SCIN: variants seen among roughly 807,000 people sequenced by gnomAD.
SCIN encodes the protein adseverin.
Under a neutral mutation model 91.8 loss-of-function variants are expected in SCIN, and 91 were observed. The observed-to-expected ratio is 0.99, with a 90% CI of 0.84 to 1.18. The LOEUF (loss-of-function observed/expected upper bound fraction) is 1.18. Ranked by LOEUF, SCIN falls within the 50% of genes most tolerant of loss-of-function variation. The pLI, the probability that SCIN is intolerant of heterozygous loss-of-function variation, is 0.00. For missense variants in SCIN, 1,087 were observed against 863.9 expected (o/e 1.26, Z -3.24); for synonymous variants, 367 against 312.6 (o/e 1.17, Z -1.84).
intron 1 of SCIN, among the ~76,000 whole-genome samples, chr7:12,572,680 T>A (rs570336831): frequency 6.6e-6 from 1 of 152,342 alleles, no homozygotes; most frequent in African/African-American, 2.4e-5. Context: ...CTTATTCACT[T>A]AATTATCTAC....
At chr7:12,647,318 G>T (rs1378569127) in intron 13 of SCIN, among the ~76,000 whole-genome samples, 1 of 152,140 alleles carries the variant, frequency 6.6e-6, no homozygotes, top group East Asian at 1.9e-4. Flanking sequence ...TTAAGGCAAA[G>T]GATTGTTGCT....
At chr7:12,636,874 C>T (rs1750956779) in intron 10 of SCIN, among the ~76,000 whole-genome samples, 1 of 151,290 alleles carries the variant, frequency 6.6e-6, no homozygotes, top group African/African-American at 2.4e-5. Context: ...TTGTATGTAC[C>T]CCATGAATAT....
chr7:12,634,795 A>G (rs1275539026), intron 9 of SCIN, among the ~76,000 whole-genome samples: 5 of 152,220 alleles, frequency 3.3e-5, no homozygotes, highest in African/African-American at 9.6e-5. Context: ...AACAGCCACA[A>G]GCCACCCTAG....
At chr7:12,645,740 C>T (rs1783953338) in intron 13 of SCIN, among the ~76,000 whole-genome samples, 1 of 152,032 alleles carries the variant, frequency 6.6e-6, no homozygotes, top group African/African-American at 2.4e-5. Context: ...TGAGAACCTG[C>T]AGTATTTGGT....
chr7:12,636,072 G>A lies in SCIN; in HGVS notation c.1347G>A (p.Glu449=). The change falls in exon 10 of 16, where the codon GAG becomes GAA. Residue 449 remains glutamate (E), a synonymous_variant. Transcript: ENST00000297029. ...TWQGANATRD[E]LTTSAFLTVQ... ...AAGGAGCAAATGCCACACGAGATGAGCTGACAACATCTGCGTTCCTGACTG... is the reference window on the plus strand; with the variant it reads ...AAGGAGCAAATGCCACACGAGATGAACTGACAACATCTGCGTTCCTGACTG... The A allele has an allele frequency of 6.2e-7, 1 of 1,613,118 alleles. No homozygotes were observed. The highest frequency in any genetic ancestry group is 8.5e-7 in the Non-Finnish European group (1 of 1,179,626).
intron 10 of SCIN, among the ~76,000 whole-genome samples, chr7:12,638,219 CG>C (rs1176563960): frequency 1.3e-5 from 2 of 152,178 alleles, no homozygotes; most frequent in African/African-American, 4.8e-5. Flanking sequence ...TCTGCTTTCT[CG>C]TTCATTCTGT....
chr7:12,644,516 T>C (rs1783919610), intron 12 of SCIN, 68 bp from the exon 13 acceptor site: 1 of 1,576,992 alleles, frequency 6.3e-7, no homozygotes, highest in Non-Finnish European at 8.6e-7. Context: ...ATAATATTTG[T>C]TCATATAAAG....
rs1445458051 is a variant in SCIN, at chr7:12,651,433, C to A, written c.1960-408C>A. Among the ~76,000 whole-genome samples, 1 of 152,020 alleles carries A rather than the reference C, an allele frequency of 6.6e-6. No individual in the cohort carries two copies. Among genetic ancestry groups the A allele is most frequent in the African/African-American group, 2.4e-5 (1 of 41,390 alleles). ...TATTTCTGTTTGCAAGTCCTCTGAA[C>A]AGCCATCTCGAAATATGTCAAAGAA... On this transcript the variant is annotated intron_variant, in intron 14 of 15. Coordinates refer to ENST00000297029, the MANE Select transcript of SCIN (RefSeq NM_001112706.3). This position sits in a 1 kb window ranked among gnomAD's most constrained non-coding sequence, Gnocchi z 5.9.
At chr7:12,592,933 G>T (rs1331934746) in intron 3 of SCIN, among the ~76,000 whole-genome samples, 1 of 152,190 alleles carries the variant, frequency 6.6e-6, no homozygotes, top group African/African-American at 2.4e-5. Flanking sequence ...GGGGCCGGGA[G>T]CCGGGGCCCA....
chr7:12,634,971 G>C (rs1187255348), intron 9 of SCIN, among the ~76,000 whole-genome samples: 4 of 151,892 alleles, frequency 2.6e-5, no homozygotes, highest in Non-Finnish European at 5.9e-5. Flanking sequence ...TGGATCACCT[G>C]AGGTCAGGAG....
intron 4 of SCIN, among the ~76,000 whole-genome samples, chr7:12,618,294 G>A (rs1783338818): frequency 6.6e-6 from 1 of 152,198 alleles, no homozygotes; most frequent in Non-Finnish European, 1.5e-5. Context: ...CAGCAAAGAT[G>A]TGGAATATTT....
intron 1 of SCIN, among the ~76,000 whole-genome samples, chr7:12,574,799 C>A (rs1250782839): frequency 6.6e-6 from 1 of 151,992 alleles, no homozygotes; most frequent in African/African-American, 2.4e-5. Flanking sequence ...GCTTGTTTGT[C>A]AAGATTATTT....
At chr7:12,605,373 G>A (rs1783058767) in intron 4 of SCIN, among the ~76,000 whole-genome samples, 2 of 152,112 alleles carry the variant, frequency 1.3e-5, no homozygotes, top group Admixed American at 1.3e-4. Context: ...TTCAAACACG[G>A]TGGTTTTCTT....
chr7:12,581,097 C>G lies in SCIN; in HGVS notation c.392C>G (p.Thr131Arg), dbSNP rs370935948. 1.4e-5 allele frequency: 21 copies of G among 1,551,178 alleles called. No individual in the cohort carries two copies. Among genetic ancestry groups the G allele is most frequent in the Non-Finnish European group, 1.7e-5 (20 of 1,146,736 alleles). ...GCATCTGGATTAAATCATGTTCTTA[C>G]GAACGACCTGACAGCCAAGAGGCTC... ...GVASGLNHVL[T>R]NDLTAKRLLH... is the part of the protein sequence containing the mutation. The change falls in exon 3 of 16, where the codon ACG becomes AGG. Residue 131 changes from threonine to arginine, a missense_variant. Physicochemically the swap from Thr to Arg is moderately conservative, Grantham distance 71. Transcript: ENST00000297029.
chr7:12,637,133 A>G (rs1176211153), intron 10 of SCIN, among the ~76,000 whole-genome samples: 1 of 152,214 alleles, frequency 6.6e-6, no homozygotes, highest in Non-Finnish European at 1.5e-5. Flanking sequence ...TATGACCTCC[A>G]AAACTGTAAG....
chr7:12,646,686 T>A (rs1341720640), intron 13 of SCIN, among the ~76,000 whole-genome samples: 2 of 152,182 alleles, frequency 1.3e-5, no homozygotes, highest in African/African-American at 4.8e-5. Flanking sequence ...AAGAATGAAT[T>A]CTTCTTTTAT....
chr7:12,597,549 A>G (rs1479636315), intron 3 of SCIN, among the ~76,000 whole-genome samples: 4 of 152,182 alleles, frequency 2.6e-5, no homozygotes, highest in African/African-American at 9.7e-5. Flanking sequence ...ACCATTGAGC[A>G]TTGTTTTACT....
At chr7:12,647,759 A>G (rs1454390922) in intron 13 of SCIN, among the ~76,000 whole-genome samples, 1 of 152,230 alleles carries the variant, frequency 6.6e-6, no homozygotes, top group African/African-American at 2.4e-5. Context: ...TTTATTTTGT[A>G]TAACAATCTC....
intron 11 of SCIN, among the ~76,000 whole-genome samples, chr7:12,643,448 C>G (rs934184472): frequency 6.6e-6 from 1 of 152,214 alleles, no homozygotes; most frequent in African/African-American, 2.4e-5. Flanking sequence ...TCTCCATAAT[C>G]ACATCTGATA....
Sources: allele counts gnomAD v4.1 joint callset (sites outside exome capture counted in the v4.1 genomes callset), GRCh38; gene constraint gnomAD v4.1.1; non-coding constraint Gnocchi (gnomAD v3.1); transcripts MANE v1.5; gene names NCBI Gene and HGNC (gene_info 2026-07-23, HGNC 2026-07-21).